TCF4: variants seen among roughly 807,000 people sequenced by gnomAD.
TCF4 encodes transcription factor 4.
A neutral mutation model predicts 82.1 loss-of-function variants in TCF4; 3 were observed. That is an observed-to-expected ratio of 0.04 (90% confidence interval 0.02 to 0.09). TCF4 has a LOEUF of 0.09. Ranked by LOEUF, TCF4 falls within the 10% of genes least tolerant of loss-of-function variation. TCF4 has a pLI of 1.00. For synonymous variants in TCF4, 276 were observed against 309.6 expected (o/e 0.89, Z 1.14); for missense variants, 518 against 852.7 (o/e 0.61, Z 4.89).
At chr18:55,601,521 C>A (rs188241662) in intron 2 of TCF4, among the ~76,000 whole-genome samples, 5 of 151,822 alleles carry the variant, frequency 3.3e-5, no homozygotes, top group Admixed American at 3.3e-4. Flanking sequence ...CGGTGGCTCA[C>A]GCCTGTAATC....
chr18:55,247,171 C>G lies in TCF4; in HGVS notation c.1350+7326G>C, dbSNP rs145336349. 1.8e-3 allele frequency among the ~76,000 whole-genome samples: 270 copies of G among 152,316 alleles called. 1 individual carries two copies. Among genetic ancestry groups the G allele is most frequent in the Admixed American group, 3.5e-3 (53 of 15,300 alleles). On this transcript the variant is annotated intron_variant, in intron 15 of 19. Transcript: ENST00000354452. The stretch of plus-strand genomic sequence containing the variant: ...TAAACTCAAAGGATAGAAGACAGCA[C>G]TCGTGTAGAAAGAATGTCTGTAACA...
At chr18:55,497,782 A>G (rs1421540090) in intron 3 of TCF4, among the ~76,000 whole-genome samples, 2 of 152,222 alleles carry the variant, frequency 1.3e-5, no homozygotes, top group African/African-American at 4.8e-5. Context: ...TGAGAAGTGA[A>G]TGAGAGAACA....
At chr18:55,535,259 T>C (rs2097104794) in intron 3 of TCF4, among the ~76,000 whole-genome samples, 1 of 152,200 alleles carries the variant, frequency 6.6e-6, no homozygotes, top group Non-Finnish European at 1.5e-5. Flanking sequence ...AGTCATGAGT[T>C]AGCAAACTCT....
In TCF4 at chr18:55,538,892, C is replaced by G. The variant is rs117316028; in HGVS notation, c.145+46388G>C. ...ATTCTCCAGGTTCACGAGTCCATTT[C>G]GTATTTAATATTACACTCAGAAAAA... On this transcript the variant is annotated intron_variant, in intron 3 of 19. Coordinates refer to ENST00000354452, the MANE Select transcript of TCF4 (RefSeq NM_001083962.2). 3.3e-3 allele frequency among the ~76,000 whole-genome samples: 499 copies of G among 152,116 alleles called. 1 individual carries two copies. The highest frequency in any genetic ancestry group is 5.2e-3 in the Non-Finnish European group (352 of 68,000).
intron 6 of TCF4, among the ~76,000 whole-genome samples, chr18:55,395,291 T>G (rs2093422933): frequency 6.6e-6 from 1 of 152,238 alleles, no homozygotes; most frequent in Non-Finnish European, 1.5e-5. Flanking sequence ...TAGTCATTAA[T>G]TGATTTTTCC....
intron 8 of TCF4, among the ~76,000 whole-genome samples, chr18:55,304,538 T>TA (rs1014116591): frequency 2.0e-5 from 3 of 151,918 alleles, no homozygotes; most frequent in Admixed American, 6.6e-5. Flanking sequence ...ACTTCCTAAT[T>TA]AAAAAAAACT....
intron 6 of TCF4, among the ~76,000 whole-genome samples, chr18:55,369,504 C>T (rs1043829190): frequency 6.6e-6 from 1 of 152,098 alleles, no homozygotes; most frequent in Non-Finnish European, 1.5e-5. Flanking sequence ...AAGTTAGAGG[C>T]GAAAGTGGCT....
At position 55,510,898 on chromosome 18, in the gene TCF4, A is replaced by G. The variant is rs565818984; in HGVS notation, c.146-46761T>C. ...ACCTTTTCTGAAACAAAAATAAAAT[A>G]TGAATCAACAAGATCTCTGCCAAAC... On this transcript the variant is annotated intron_variant, in intron 3 of 19. Coordinates refer to ENST00000354452, the MANE Select transcript of TCF4 (RefSeq NM_001083962.2). 1.8e-5 allele frequency: 9 copies of G among 501,290 alleles called. No homozygotes were observed. The Admixed American group carries it at 3.9e-4, about 22-fold the overall frequency. 31.1% of individuals were successfully genotyped at this position (501,290 alleles called of 1,614,324 possible).
intron 6 of TCF4, among the ~76,000 whole-genome samples, chr18:55,386,651 T>C (rs914407705): frequency 1.3e-5 from 2 of 152,146 alleles, no homozygotes; most frequent in Non-Finnish European, 2.9e-5. Context: ...AAGAAATATG[T>C]TTCAATATAT....
At chr18:55,578,675 C>T (rs1002141417) in intron 3 of TCF4, among the ~76,000 whole-genome samples, 4 of 152,128 alleles carry the variant, frequency 2.6e-5, no homozygotes, top group Middle Eastern at 3.4e-3. Context: ...ATGTCAGCAT[C>T]AGCAAGTGAA....
At chr18:55,511,769 T>C (rs1177820014) in intron 3 of TCF4, among the ~76,000 whole-genome samples, 1 of 152,158 alleles carries the variant, frequency 6.6e-6, no homozygotes, top group Non-Finnish European at 1.5e-5. Context: ...GAGAAAATTA[T>C]ACACAGTGAC....
In TCF4 at chr18:55,403,522, C is replaced by T. The variant is rs1569392731; in HGVS notation, c.305-4G>A. 2 of 1,613,674 alleles carry T rather than the reference C, an allele frequency of 1.2e-6. No individual in the cohort carries two copies. The highest frequency in any genetic ancestry group is 2.2e-5 in the East Asian group (1 of 44,854). ...TATGAGCCCCTTTCTGTTTTACCTG[C>T]CAAGAGAAACGACAAAAAAGTGTAA... On this transcript the variant is annotated splice_polypyrimidine_tract_variant and splice_region_variant and intron_variant, in intron 5 of 19. Transcript: ENST00000354452.
At chr18:55,454,241 C>A (rs2095687977) in intron 5 of TCF4, among the ~76,000 whole-genome samples, 2 of 152,282 alleles carry the variant, frequency 1.3e-5, no homozygotes, top group South Asian at 4.1e-4. Context: ...ACAGGCCACA[C>A]TGTAATATGG....
At chr18:55,315,027 C>T (rs1164999436) in intron 8 of TCF4, among the ~76,000 whole-genome samples, 2 of 152,054 alleles carry the variant, frequency 1.3e-5, no homozygotes, top group East Asian at 3.9e-4. Flanking sequence ...TTCAACTCTC[C>T]CCACTCTCTC....
At chr18:55,634,565 G>C (rs2097734442) in intron 1 of TCF4, among the ~76,000 whole-genome samples, 1 of 152,066 alleles carries the variant, frequency 6.6e-6, no homozygotes, top group South Asian at 2.1e-4. Flanking sequence ...TGCAAGCATG[G>C]TCAGAAAGAT....
chr18:55,477,341 T>C (rs1433744866), intron 3 of TCF4, among the ~76,000 whole-genome samples: 2 of 152,224 alleles, frequency 1.3e-5, no homozygotes, highest in Non-Finnish European at 2.9e-5. Context: ...CTATTTTGCA[T>C]AAGACATACT....
At chr18:55,293,931 CTT>C (rs781150808) in intron 8 of TCF4, among the ~76,000 whole-genome samples, 14 of 40,048 alleles carry the variant, frequency 3.5e-4, no homozygotes, top group Non-Finnish European at 5.1e-4. Flanking sequence ...TTTCCAAGGA[CTT>C]TTTTTTTTTT....
chr18:55,299,148 C>T (rs530008786), intron 8 of TCF4, among the ~76,000 whole-genome samples: 4 of 152,160 alleles, frequency 2.6e-5, no homozygotes, highest in Admixed American at 2.0e-4. Context: ...TGGTGGCTCA[C>T]GCCTATAATC....
At chr18:55,545,729 C>T (rs2097201113) in intron 3 of TCF4, among the ~76,000 whole-genome samples, 2 of 152,120 alleles carry the variant, frequency 1.3e-5, no homozygotes, top group South Asian at 2.1e-4. Context: ...GGATTACAGG[C>T]GTGAGACACC....
Sources: allele counts gnomAD v4.1 joint callset (sites outside exome capture counted in the v4.1 genomes callset), GRCh38; gene constraint gnomAD v4.1.1; transcripts MANE v1.5; gene names NCBI Gene and HGNC (gene_info 2026-07-23, HGNC 2026-07-21).